Variants in CTNND2 observed in about 807,000 individuals in gnomAD.
CTNND2 encodes the protein catenin delta-2.
In CTNND2, 22 loss-of-function variants were observed where a neutral mutation model predicts 144.4. The observed-to-expected ratio is 0.15, with a 90% CI of 0.11 to 0.22. The LOEUF (loss-of-function observed/expected upper bound fraction) is 0.22, where lower values mean the gene tolerates loss of function less well. CTNND2 is among the 10% of genes least tolerant of loss of function. The pLI, the probability that CTNND2 is intolerant of heterozygous loss-of-function variation, is 1.00. For synonymous variants in CTNND2, 751 were observed against 695.6 expected, an observed-to-expected ratio of 1.08 and a Z score of -1.25; for missense variants, 1,353 against 1,618.8, an observed-to-expected ratio of 0.84 and a Z score of 2.82.
intron 1 of CTNND2, among the ~76,000 whole-genome samples, chr5:11,829,187 A>G (rs555010652): frequency 7.9e-5 from 12 of 152,318 alleles, no homozygotes; most frequent in Admixed American, 3.9e-4. Context: ...AGTTTGAAAA[A>G]CATGCAGCCT....
At chr5:11,651,835 G>C (rs1407953426) in intron 2 of CTNND2, among the ~76,000 whole-genome samples, 1 of 152,138 alleles carries the variant, frequency 6.6e-6, no homozygotes, top group Admixed American at 6.6e-5. Context: ...CCCAATGCCT[G>C]TTCCCCCATT....
chr5:11,232,214 C>G (rs901876785), intron 10 of CTNND2, among the ~76,000 whole-genome samples: 1 of 152,226 alleles, frequency 6.6e-6, no homozygotes, highest in Admixed American at 6.5e-5. Flanking sequence ...TTGGAGCCCC[C>G]ACACAGAGTC....
chr5:11,012,332 C>A (rs1432175651), intron 18 of CTNND2, among the ~76,000 whole-genome samples: 1 of 152,152 alleles, frequency 6.6e-6, no homozygotes, highest in Non-Finnish European at 1.5e-5. Context: ...GACTTGGATA[C>A]ATAAAGTGGA....
chr5:11,227,671 A>G (rs922951561), intron 10 of CTNND2, among the ~76,000 whole-genome samples: 3 of 152,214 alleles, frequency 2.0e-5, no homozygotes, highest in Non-Finnish European at 2.9e-5. Flanking sequence ...AAATGTTCTA[A>G]ATTTGTTGGA....
intron 14 of CTNND2, among the ~76,000 whole-genome samples, chr5:11,102,513 AT>A (rs1490262979): frequency 6.6e-6 from 1 of 152,174 alleles, no homozygotes; most frequent in South Asian, 2.1e-4. Flanking sequence ...CAATAGATTG[AT>A]TTTTTGCCAC....
At chr5:11,537,201 T>C (rs1213729625) in intron 3 of CTNND2, among the ~76,000 whole-genome samples, 1 of 152,280 alleles carries the variant, frequency 6.6e-6, no homozygotes, top group East Asian at 1.9e-4. Flanking sequence ...AGTTTTGTTT[T>C]AGGTATTAAT....
intron 12 of CTNND2, among the ~76,000 whole-genome samples, chr5:11,148,840 C>T (rs1266199695): frequency 1.3e-5 from 2 of 152,218 alleles, no homozygotes; most frequent in Non-Finnish European, 2.9e-5. Context: ...TCCTAAGAAG[C>T]CCTGGCATTG....
chr5:11,342,077 C>T (rs192145593), intron 9 of CTNND2, among the ~76,000 whole-genome samples: 2 of 151,922 alleles, frequency 1.3e-5, no homozygotes, highest in Non-Finnish European at 2.9e-5. Context: ...TATGCATGCG[C>T]GTGGGTGTGT....
At chr5:11,719,701 C>G (rs1786549355) in intron 2 of CTNND2, among the ~76,000 whole-genome samples, 1 of 151,990 alleles carries the variant, frequency 6.6e-6, no homozygotes, top group South Asian at 2.1e-4. Context: ...TGGAGAAGAC[C>G]TTAGTTCATT....
chr5:11,203,474 G>A (rs577696258), intron 10 of CTNND2, among the ~76,000 whole-genome samples: 233 of 152,000 alleles, frequency 1.5e-3, no homozygotes, highest in Middle Eastern at 3.4e-3. Flanking sequence ...ACAGAGTTGC[G>A]CTCTGTCACC....
At chr5:11,718,633 T>G (rs1040033853) in intron 2 of CTNND2, among the ~76,000 whole-genome samples, 1 of 150,710 alleles carries the variant, frequency 6.6e-6, no homozygotes, top group African/African-American at 2.5e-5. Flanking sequence ...AAAAAAAAAA[T>G]AAGAAAAGTA....
chr5:11,637,521 AT>A (rs1781774379), intron 2 of CTNND2, among the ~76,000 whole-genome samples: 1 of 152,178 alleles, frequency 6.6e-6, no homozygotes, highest in Non-Finnish European at 1.5e-5. Context: ...TTGCTTATCT[AT>A]TTATTACAAT....
At chr5:11,474,610 G>T (rs1389540779) in intron 3 of CTNND2, among the ~76,000 whole-genome samples, 1 of 152,168 alleles carries the variant, frequency 6.6e-6, no homozygotes, top group Non-Finnish European at 1.5e-5. Context: ...AGACACCAAC[G>T]CAGGTGTCTC....
chr5:11,643,875 A>T (rs564448095), intron 2 of CTNND2, among the ~76,000 whole-genome samples: 3 of 152,332 alleles, frequency 2.0e-5, no homozygotes, highest in East Asian at 3.9e-4. Flanking sequence ...GTAAAACGAA[A>T]GAATTTCATT....
chr5:11,246,750 A>C (rs2149922024), intron 9 of CTNND2, among the ~76,000 whole-genome samples: 1 of 151,980 alleles, frequency 6.6e-6, no homozygotes, highest in South Asian at 2.1e-4. Context: ...GGTTATTATA[A>C]ATACAGAGGC....
At chr5:11,038,476 C>A (rs914005850) in intron 16 of CTNND2, among the ~76,000 whole-genome samples, 2 of 152,182 alleles carry the variant, frequency 1.3e-5, no homozygotes, top group African/African-American at 4.8e-5. Context: ...CGACCTCAGT[C>A]CATGGAAAAA....
At position 11,871,865 on chromosome 5, in the gene CTNND2, G is replaced by C. The variant is rs1413031717; in HGVS notation, c.37+31952C>G. 5.3e-5 allele frequency among the ~76,000 whole-genome samples: 8 copies of C among 152,168 alleles called. No individual in the cohort carries two copies. The South Asian group carries it at 1.7e-3, about 32-fold the overall frequency. On this transcript the variant is annotated intron_variant, in intron 1 of 21. Transcript: ENST00000304623. Reference sequence around the variant, plus strand: ...CAGAAATGATTACATAGTTTTAGGGGGAGGCGTAAAGATGTAGGATATTTC... The same window carrying C: ...CAGAAATGATTACATAGTTTTAGGGCGAGGCGTAAAGATGTAGGATATTTC...
At position 11,499,341 on chromosome 5, in the gene CTNND2, AT is replaced by A. The variant is rs1481178234; in HGVS notation, c.287+65602del. The stretch of plus-strand genomic sequence containing the variant: ...TCACTTTTCCTGCCCTGTCCATCTA[AT>A]TCTGCATTGCCCTACAGGCTTAGTG... On this transcript the variant is annotated intron_variant, in intron 3 of 21. Transcript: ENST00000304623. Among the ~76,000 whole-genome samples, 5 of 152,182 alleles carry A rather than the reference AT, an allele frequency of 3.3e-5. No homozygotes were observed. The South Asian group carries it at 1.0e-3, about 32-fold the overall frequency.
At chr5:11,631,870 C>A (rs556518457) in intron 2 of CTNND2, among the ~76,000 whole-genome samples, 1 of 152,108 alleles carries the variant, frequency 6.6e-6, no homozygotes, top group Non-Finnish European at 1.5e-5. Flanking sequence ...AGCAAGAGTG[C>A]CAATCCAAAA....
Sources: gnomAD v4.1 joint callset for allele counts (sites outside exome capture counted in the v4.1 genomes callset) on GRCh38, gnomAD v4.1.1 for gene constraint, MANE v1.5 for transcripts, NCBI Gene and HGNC (gene_info 2026-07-23, HGNC 2026-07-21) for gene names.